The following PRKCE variants were observed in gnomAD, a reference collection of about 807,000 sequenced individuals.
The protein encoded by PRKCE is protein kinase C epsilon, also known as protein kinase C epsilon type.
A neutral mutation model predicts 85.4 loss-of-function variants in PRKCE; 16 were observed. The observed-to-expected ratio is 0.19, with a 90% CI of 0.13 to 0.28. The LOEUF is 0.28. Ranked by LOEUF, PRKCE falls within the 10% of genes least tolerant of loss-of-function variation. The pLI, the probability that PRKCE is intolerant of heterozygous loss-of-function variation, is 1.00. For synonymous variants in PRKCE, 388 were observed against 371.5 expected (o/e 1.04, Z -0.51); for missense variants, 573 against 975.2 (o/e 0.59, Z 5.49).
chr2:45,832,313 CT>C (rs10692501), intron 1 of PRKCE, among the ~76,000 whole-genome samples: 167 of 137,924 alleles, frequency 1.2e-3, no homozygotes, highest in East Asian at 3.4e-3. Flanking sequence ...CAAGGAGCAA[CT>C]TTTTTTTTTT....
At chr2:45,831,700 A>T (rs1690438053) in intron 1 of PRKCE, among the ~76,000 whole-genome samples, 1 of 152,194 alleles carries the variant, frequency 6.6e-6, no homozygotes, top group Admixed American at 6.6e-5. Context: ...AGGCATACAC[A>T]TTTTATTTAG....
chr2:46,113,989 T>C (rs976656673), intron 11 of PRKCE, among the ~76,000 whole-genome samples: 2 of 152,206 alleles, frequency 1.3e-5, no homozygotes, highest in Non-Finnish European at 1.5e-5. Context: ...TATTTTCCTC[T>C]TATATTTTTG....
intron 14 of PRKCE, among the ~76,000 whole-genome samples, chr2:46,173,444 T>C (rs1385167972): frequency 6.6e-6 from 1 of 152,372 alleles, no homozygotes; most frequent in East Asian, 1.9e-4. Flanking sequence ...TTCCTTACTT[T>C]TGCTTACAAA....
intron 2 of PRKCE, among the ~76,000 whole-genome samples, chr2:45,889,003 C>G (rs1558798333): frequency 6.6e-6 from 1 of 152,154 alleles, no homozygotes; most frequent in African/African-American, 2.4e-5. Flanking sequence ...GAGATACCCC[C>G]AAAGAGGTAA....
At position 45,652,034 on chromosome 2, in the gene PRKCE, C is replaced by A; in HGVS notation, c.-67C>A. ...GTCCCTGTGGCTCGGAGTGCCGGGCCGTCGGTTCTTCATTCCTGCCCTCGG... is the reference window on the plus strand; with the variant it reads ...GTCCCTGTGGCTCGGAGTGCCGGGCAGTCGGTTCTTCATTCCTGCCCTCGG... On this transcript the variant is annotated 5_prime_UTR_variant, in exon 1 of 15. Transcript: ENST00000306156. This position sits in a 1 kb window ranked among gnomAD's most constrained non-coding sequence, Gnocchi z 7.7. 7.9e-7 allele frequency: 1 copy of A among 1,269,838 alleles called. No individual in the cohort carries two copies. The highest frequency in any genetic ancestry group is 1.1e-6 in the Non-Finnish European group (1 of 912,500). 78.7% of individuals were successfully genotyped at this position (1,269,838 alleles called of 1,614,324 possible).
At chr2:46,127,398 T>A (rs938435596) in intron 11 of PRKCE, among the ~76,000 whole-genome samples, 3 of 152,248 alleles carry the variant, frequency 2.0e-5, no homozygotes, top group African/African-American at 7.2e-5. Context: ...TAAACCAGCA[T>A]CTGATCCTAA....
Position 45,976,475 on chromosome 2 carries a change from G to A in PRKCE, c.459G>A (p.Pro153=), listed in dbSNP as rs377014848. ...GTGTGTTCAGGGAACGCATGCGGCC[G>A]AGGAAGCGGCAGGGGGCCGTCAGGC... The part of the protein sequence containing the change: ...EERVFRERMR[P]RKRQGAVRRR... The change falls in exon 3 of 15, where the codon CCG becomes CCA. Residue 153 remains proline (P), a synonymous_variant. Coordinates refer to ENST00000306156, the MANE Select transcript of PRKCE (RefSeq NM_005400.3). 120 of 1,599,612 alleles carry A rather than the reference G, an allele frequency of 7.5e-5. 1 individual carries two copies. Among genetic ancestry groups the A allele is most frequent in the Non-Finnish European group, 9.2e-5 (109 of 1,179,952 alleles).
Position 46,145,753 on chromosome 2 carries a change from A to G in PRKCE, c.1731+522A>G, listed in dbSNP as rs1172130426. Reference sequence around the variant, plus strand: ...CATAGTGGTGCAAACCTGTAGTCCCAGCTACTTGGGAGGCTGAGGTGAAAG... The same window carrying G: ...CATAGTGGTGCAAACCTGTAGTCCCGGCTACTTGGGAGGCTGAGGTGAAAG... On this transcript the variant is annotated intron_variant, in intron 12 of 14. Transcript: ENST00000306156. This position sits in a 1 kb window ranked among gnomAD's most constrained non-coding sequence, Gnocchi z 4.6. Among the ~76,000 whole-genome samples the G allele has an allele frequency of 6.6e-6, 1 of 152,284 alleles. No homozygotes were observed. The highest frequency in any genetic ancestry group is 1.9e-4 in the East Asian group (1 of 5,174).
At chr2:45,787,804 G>T (rs1686724671) in intron 1 of PRKCE, among the ~76,000 whole-genome samples, 1 of 152,186 alleles carries the variant, frequency 6.6e-6, no homozygotes, top group African/African-American at 2.4e-5. Flanking sequence ...TGGGTAGTGG[G>T]ATGTATGACC....
At chr2:45,679,990 G>A (rs1343613165) in intron 1 of PRKCE, among the ~76,000 whole-genome samples, 2 of 152,212 alleles carry the variant, frequency 1.3e-5, no homozygotes, top group African/African-American at 4.8e-5. Flanking sequence ...AAGAGATTTA[G>A]CACATTTCTG....
rs1450741184 is a variant in PRKCE at position 46,112,982 on chromosome 2, T to C, written c.1592+26620T>C. On this transcript the variant is annotated intron_variant, in intron 11 of 14. Coordinates refer to ENST00000306156, the MANE Select transcript of PRKCE (RefSeq NM_005400.3). ...AGTTTGTTCTAGAATCTATAACATATTGTCATAGTACCCTCCTCATAGAGA... is the reference window on the plus strand; with the variant it reads ...AGTTTGTTCTAGAATCTATAACATACTGTCATAGTACCCTCCTCATAGAGA... Among the ~76,000 whole-genome samples, 6 of 152,342 alleles carry C rather than the reference T, an allele frequency of 3.9e-5. No individual in the cohort carries two copies. In the East Asian group the frequency reaches 1.2e-3, roughly 29 times the overall value.
At position 45,862,183 on chromosome 2, in the gene PRKCE, T is replaced by TACACACACAC. The variant is rs6146747; in HGVS notation, c.412+19156_412+19165dup. 9.2e-4 allele frequency among the ~76,000 whole-genome samples: 132 copies of TACACACACAC among 144,010 alleles called. 1 individual carries two copies. The highest frequency in any genetic ancestry group is 2.5e-3 in the African/African-American group (94 of 38,290). The allele number at this position is 144,010 out of a possible 152,430, so 94.5% of individuals were successfully genotyped here. A position where few individuals can be genotyped will look rare whatever the true frequency, so the allele number is the denominator to read the frequency against. ...CCCTAGTGTAACCTTTCTTCTTGTA[T>TACACACACAC]ACACACACACACACACACACACACA... On this transcript the variant is annotated intron_variant, in intron 2 of 14. Transcript: ENST00000306156.
chr2:45,883,238 T>A (rs1695012815), intron 2 of PRKCE, among the ~76,000 whole-genome samples: 1 of 152,256 alleles, frequency 6.6e-6, no homozygotes, highest in African/African-American at 2.4e-5. Context: ...AAGTATGGAT[T>A]TGGATTTTGT....
intron 9 of PRKCE, among the ~76,000 whole-genome samples, chr2:46,007,996 T>G (rs1705353215): frequency 6.6e-6 from 1 of 152,230 alleles, no homozygotes; most frequent in East Asian, 1.9e-4. Flanking sequence ...GTAGTGTCAA[T>G]ACATGTCTTC....
intron 1 of PRKCE, among the ~76,000 whole-genome samples, chr2:45,701,824 G>C (rs1191764714): frequency 1.3e-5 from 2 of 152,192 alleles, no homozygotes; most frequent in Non-Finnish European, 2.9e-5. Flanking sequence ...GATTCTTAGA[G>C]ACACCGACGA....
At chr2:46,118,769 A>T (rs920246723) in intron 11 of PRKCE, among the ~76,000 whole-genome samples, 1 of 152,160 alleles carries the variant, frequency 6.6e-6, no homozygotes, top group African/African-American at 2.4e-5. Flanking sequence ...ATCCCTAGAG[A>T]TGGATGGGAG....
intron 1 of PRKCE, among the ~76,000 whole-genome samples, chr2:45,794,845 A>AACCCCCCCC (rs1687296127): frequency 8.2e-6 from 1 of 122,572 alleles, no homozygotes; most frequent in South Asian, 3.0e-4. Flanking sequence ...TTATTGCCCT[A>AACCCCCCCC]CCCCCCCCCC....
At chr2:45,819,094 A>G (rs1689318107) in intron 1 of PRKCE, among the ~76,000 whole-genome samples, 2 of 152,200 alleles carry the variant, frequency 1.3e-5, no homozygotes, top group Admixed American at 6.5e-5. Flanking sequence ...GAGTAGGTAT[A>G]TTAATAACCA....
rs146134552 is a variant in PRKCE, at chr2:45,799,820, C to A, written c.349-43180C>A. Among the ~76,000 whole-genome samples the A allele has an allele frequency of 3.5e-4, 54 of 152,234 alleles. 1 individual carries two copies. In the East Asian group the frequency reaches 9.7e-3, roughly 27 times the overall value. On this transcript the variant is annotated intron_variant, in intron 1 of 14. Coordinates refer to ENST00000306156, the MANE Select transcript of PRKCE (RefSeq NM_005400.3). The stretch of plus-strand genomic sequence containing the variant: ...CTGAGATGATGTCAGAAGTAGTTAC[C>A]AGAATCAGGACCCAGTCTAGGGTCA...
Sources: gnomAD v4.1 joint callset for allele counts (sites outside exome capture counted in the v4.1 genomes callset) on GRCh38, gnomAD v4.1.1 for gene constraint, Gnocchi (gnomAD v3.1) non-coding constraint, MANE v1.5 for transcripts, NCBI Gene and HGNC (gene_info 2026-07-23, HGNC 2026-07-21) for gene names.